The following SPRTN variants were observed in gnomAD, a reference collection of about 807,000 sequenced individuals.
SPRTN encodes the protein DNA-dependent metalloprotease SPRTN.
A neutral mutation model predicts 31.9 loss-of-function variants in SPRTN; 11 were observed. That is an observed-to-expected ratio of 0.34 (90% confidence interval 0.22 to 0.57). SPRTN has a LOEUF of 0.57. Among genes scored for constraint, SPRTN ranks in the 20% least tolerant of loss-of-function variants. SPRTN has a pLI of 0.86. For missense variants in SPRTN, 482 were observed against 590.1 expected, an observed-to-expected ratio of 0.82 and a Z score of 1.90; for synonymous variants, 185 against 212.1, an observed-to-expected ratio of 0.87 and a Z score of 1.11.
intron 2 of SPRTN, chr1:231,340,190 G>A (rs6675448): frequency 0.012 from 2,140 of 179,794 alleles, 48 homozygotes; most frequent in African/African-American, 0.049. Context: ...GTGAAACCCC[G>A]TCTCTACAAA....
At chr1:231,338,755 G>A in intron 1 of SPRTN, 151 bp downstream of exon 1, 1 of 824,276 alleles carries the variant, frequency 1.2e-6, no homozygotes. Context: ...TCCTGCCTCG[G>A]CGTGTTTCTG....
At chr1:231,342,828 G>A (rs111601316) in intron 2 of SPRTN, among the ~76,000 whole-genome samples, 15 of 151,640 alleles carry the variant, frequency 9.9e-5, no homozygotes, top group African/African-American at 3.1e-4. Context: ...TCCGCCTCCC[G>A]GGTTCAGGCC....
At chr1:231,345,452 C>T (rs746024111) in intron 2 of SPRTN, among the ~76,000 whole-genome samples, 7 of 152,198 alleles carry the variant, frequency 4.6e-5, no homozygotes, top group Non-Finnish European at 1.0e-4. Context: ...TTAATACGCT[C>T]TATAGCTTTC....
chr1:231,350,703 A>G (rs944772394), intron 3 of SPRTN, among the ~76,000 whole-genome samples: 2 of 152,148 alleles, frequency 1.3e-5, no homozygotes, highest in Admixed American at 6.5e-5. Context: ...TAATAGAAAT[A>G]TTTATAAACA....
intron 3 of SPRTN, among the ~76,000 whole-genome samples, chr1:231,349,775 C>G (rs577336711): frequency 6.6e-6 from 1 of 152,016 alleles, no homozygotes; most frequent in Non-Finnish European, 1.5e-5. Flanking sequence ...TTTGGGAGGC[C>G]GAAGTGGGAG....
In SPRTN at chr1:231,353,404, A is replaced by G; in HGVS notation, c.*43A>G. ...CAAGTACCACCTGTATTATCTCACT[A>G]ATGTGCTATGTCAGCCAGTCAGGAA... On this transcript the variant is annotated 3_prime_UTR_variant, in exon 5 of 5. Coordinates refer to ENST00000295050, the MANE Select transcript of SPRTN (RefSeq NM_032018.7). 1.3e-6 allele frequency: 2 copies of G among 1,521,752 alleles called. No homozygotes were observed. Among genetic ancestry groups the G allele is most frequent in the Non-Finnish European group, 1.7e-6 (2 of 1,144,276 alleles). The allele number at this position is 1,521,752 out of a possible 1,614,324, so 94.3% of individuals were successfully genotyped here. A position where few individuals can be genotyped will look rare whatever the true frequency, so the allele number is the denominator to read the frequency against.
chr1:231,349,243 G>T (rs1470346152), intron 3 of SPRTN, among the ~76,000 whole-genome samples: 2 of 152,128 alleles, frequency 1.3e-5, no homozygotes, highest in Non-Finnish European at 2.9e-5. Flanking sequence ...CTCCCAAAGT[G>T]GTGGGATTAT....
chr1:231,354,906 T>A lies in SPRTN; in HGVS notation c.*1545T>A, dbSNP rs1435547970. On this transcript the variant is annotated 3_prime_UTR_variant, in exon 5 of 5. Coordinates refer to ENST00000295050, the MANE Select transcript of SPRTN (RefSeq NM_032018.7). ...TACCAGCAATGTATGAGAGTTTTAGTTGTTCACCATTCATAACACTGTTAG... is the reference window on the plus strand; with the variant it reads ...TACCAGCAATGTATGAGAGTTTTAGATGTTCACCATTCATAACACTGTTAG... The A allele has an allele frequency of 3.2e-6, 2 of 625,216 alleles. No homozygotes were observed. Among genetic ancestry groups the A allele is most frequent in the East Asian group, 1.4e-4 (1 of 7,166 alleles). The allele number at this position is 625,216 out of a possible 1,614,324, so 38.7% of individuals were successfully genotyped here. A position where few individuals can be genotyped will look rare whatever the true frequency, so the allele number is the denominator to read the frequency against.
rs777349044 is a variant in SPRTN, at chr1:231,351,431, C to T, written c.578C>T (p.Ala193Val). The T allele has an allele frequency of 1.3e-5, 21 of 1,614,040 alleles. No individual in the cohort carries two copies. The African/African-American group carries it at 2.5e-4, about 19-fold the overall frequency. The change falls in exon 4 of 5, where the codon GCT (alanine) becomes GTT (valine). Residue 193 changes from alanine to valine, a missense_variant. By Grantham distance (64) the Ala-to-Val change is moderately conservative. Around this residue, in one of 2 missense-constraint regions of SPRTN, gnomAD observed 325 missense variants for 350.2 expected, o/e 0.93. Coordinates refer to ENST00000295050, the MANE Select transcript of SPRTN (RefSeq NM_032018.7). The stretch of plus-strand genomic sequence containing the variant: ...CGAGCTACTAACAGGGAACCCTCTG[C>T]TCATGACTATTGGTGGGCTGAGCAC... ...VKRATNREPS[A>V]HDYWWAEHQK...
rs777937373 is a variant in SPRTN, at chr1:231,353,149, T to G, written c.1258T>G (p.Phe420Val). The part of the protein sequence containing the change: ...RLEDKTVFDN[F>V]FIKKEQIKSS... Reference sequence around the variant, plus strand: ...AGAAGATAAGACTGTTTTTGACAATTTTTTTATCAAGAAAGAGCAAATAAA... The same window carrying G: ...AGAAGATAAGACTGTTTTTGACAATGTTTTTATCAAGAAAGAGCAAATAAA... The change falls in exon 5 of 5, where the codon TTT (phenylalanine) becomes GTT (valine). Residue 420 changes from phenylalanine to valine, a missense_variant. Coordinates refer to ENST00000295050, the MANE Select transcript of SPRTN (RefSeq NM_032018.7). 2.5e-6 allele frequency: 4 copies of G among 1,612,034 alleles called. No homozygotes were observed.
Position 231,342,119 on chromosome 1 carries a change from A to G in SPRTN, c.321+2251A>G, listed in dbSNP as rs190057002. On this transcript the variant is annotated intron_variant, in intron 2 of 4. Transcript: ENST00000295050. ...TTAACACAACCTTCTTAGTAACCCA[A>G]TGAATAAGCGGAAAAAAATAATACA... is the stretch of plus-strand genomic sequence containing the variant. Among the ~76,000 whole-genome samples the G allele has an allele frequency of 1.4e-3, 207 of 152,330 alleles. 1 individual carries two copies. The highest frequency in any genetic ancestry group is 4.5e-3 in the African/African-American group (188 of 41,564).
In SPRTN at chr1:231,354,026, C is replaced by G. The variant is rs1033440463; in HGVS notation, c.*665C>G. ...TGGAATATTTTTAGTAACAAATAGC[C>G]ACTATAATTCTGTAGGCCAAATTTT... On this transcript the variant is annotated 3_prime_UTR_variant, in exon 5 of 5. Coordinates refer to ENST00000295050, the MANE Select transcript of SPRTN (RefSeq NM_032018.7). 1.0e-6 allele frequency: 1 copy of G among 952,844 alleles called. No individual in the cohort carries two copies. The highest frequency in any genetic ancestry group is 1.8e-5 in the African/African-American group (1 of 56,516). The allele number at this position is 952,844 out of a possible 1,614,324, so 59.0% of individuals were successfully genotyped here.
intron 2 of SPRTN, 55 bp from the exon 3 acceptor site, chr1:231,347,742 A>G (rs1558365581): frequency 2.0e-5 from 31 of 1,546,072 alleles, no homozygotes; most frequent in South Asian, 2.5e-5. Flanking sequence ...GAAAATTTAT[A>G]TTTTCCAAAG....
Position 231,338,510 on chromosome 1 carries a change from C to T in SPRTN, c.127C>T (p.Pro43Ser). ...DASWELVDPT[P>S]DLQALFVQFN... ...GTCGTGGGAGTTGGTGGACCCCACA[C>T]CGGACTTGCAGGCACTGTTTGTTCA... is the stretch of plus-strand genomic sequence containing the variant. The change falls in exon 1 of 5, where the codon CCG (proline) becomes TCG (serine). Residue 43 changes from proline (P) to serine (S), a missense_variant. Coordinates refer to ENST00000295050, the MANE Select transcript of SPRTN (RefSeq NM_032018.7). 6.2e-7 allele frequency: 1 copy of T among 1,614,258 alleles called. No individual in the cohort carries two copies. The highest frequency in any genetic ancestry group is 2.2e-5 in the East Asian group (1 of 44,888).
In SPRTN at chr1:231,338,434, G is replaced by T; in HGVS notation, c.51G>T (p.Leu17Phe). The T allele has an allele frequency of 6.2e-7, 1 of 1,614,292 alleles. No individual in the cohort carries two copies. ...TGCGGCTTCAGGAGGAGTGGAACTT[G>T]CAGGAGGCGGAGCGCGATCATGCCC... Reference protein sequence around the residue: ...LALRLQEEWNLQEAERDHAQE... With the variant: ...LALRLQEEWNFQEAERDHAQE... The change falls in exon 1 of 5, where the codon TTG becomes TTT. Residue 17 changes from leucine to phenylalanine, a missense_variant. This residue lies in a region of SPRTN where 157 missense variants were observed against 239.9 expected (regional missense o/e 0.65). Transcript: ENST00000295050.
At position 231,352,664 on chromosome 1, in the gene SPRTN, A is replaced by G. The variant is rs1184574595; in HGVS notation, c.773A>G (p.Tyr258Cys). 1 of 1,612,172 alleles carries G rather than the reference A, an allele frequency of 6.2e-7. No individual in the cohort carries two copies. The highest frequency in any genetic ancestry group is 1.1e-5 in the South Asian group (1 of 90,552). ...GTAATCCCTTTTAGTGGGAAAGGAT[A>G]TGTTCTAGGAGAAACAAGCAATTTA... ...QLVIPFSGKG[Y>C]VLGETSNLPS... is the part of the protein sequence containing the mutation. The change falls in exon 5 of 5, where the codon TAT becomes TGT. Residue 258 changes from tyrosine to cysteine, a missense_variant. By Grantham distance (194) the Tyr-to-Cys change is radical. This residue lies in a region of SPRTN where 325 missense variants were observed against 350.2 expected (regional missense o/e 0.93). Coordinates refer to ENST00000295050, the MANE Select transcript of SPRTN (RefSeq NM_032018.7).
rs1288715363 is a variant in SPRTN, at chr1:231,352,708, A to G, written c.817A>G (p.Ile273Val). The change falls in exon 5 of 5, where the codon ATC becomes GTC. Residue 273 changes from isoleucine to valine, a missense_variant. Ile to Val is a conservative substitution (Grantham distance 29). Around this residue, in one of 2 missense-constraint regions of SPRTN, gnomAD observed 325 missense variants for 350.2 expected, o/e 0.93. Coordinates refer to ENST00000295050, the MANE Select transcript of SPRTN (RefSeq NM_032018.7). ...TSNLPSPGKL[I>V]TSHAINKTQD... ...CAATTTACCTTCACCTGGGAAACTG[A>G]TCACTTCACATGCCATTAATAAAAC... The G allele has an allele frequency of 2.5e-6, 4 of 1,613,974 alleles. No homozygotes were observed. Among genetic ancestry groups the G allele is most frequent in the African/African-American group, 1.3e-5 (1 of 74,926 alleles).
chr1:231,348,226 T>C (rs1243225473), intron 3 of SPRTN, among the ~76,000 whole-genome samples: 1 of 152,200 alleles, frequency 6.6e-6, no homozygotes, highest in Non-Finnish European at 1.5e-5. Flanking sequence ...TTCCTTATTA[T>C]TGTCTTTTTT....
At position 231,338,302 on chromosome 1, in the gene SPRTN, C is replaced by G. The variant is rs983248765; in HGVS notation, c.-82C>G. On this transcript the variant is annotated 5_prime_UTR_variant, in exon 1 of 5. Coordinates refer to ENST00000295050, the MANE Select transcript of SPRTN (RefSeq NM_032018.7). The stretch of plus-strand genomic sequence containing the variant: ...GCATCTCCTAGGAGCTAGTCCTGGT[C>G]CTCGGCTAGGCGGCTTGGGGTCGCG... 29 of 1,490,776 alleles carry G rather than the reference C, an allele frequency of 1.9e-5. No homozygotes were observed. The highest frequency in any genetic ancestry group is 2.6e-5 in the Non-Finnish European group (28 of 1,085,602). The allele number at this position is 1,490,776 out of a possible 1,614,324, so 92.3% of individuals were successfully genotyped here.
Sources: gnomAD v4.1 joint callset for allele counts (sites outside exome capture counted in the v4.1 genomes callset) on GRCh38, gnomAD v4.1.1 for gene constraint, gnomAD v4.1.1 regional missense constraint, MANE v1.5 for transcripts, NCBI Gene and HGNC (gene_info 2026-07-23, HGNC 2026-07-21) for gene names.